The following KSR2 variants were observed in gnomAD, a reference collection of about 807,000 sequenced individuals.
KSR2 encodes kinase suppressor of ras 2.
KSR2 carries 25 observed loss-of-function variants against 107.8 expected under a neutral mutation model. The observed-to-expected ratio is 0.23, with a 90% CI of 0.17 to 0.32. The LOEUF (loss-of-function observed/expected upper bound fraction) is 0.32. KSR2 is among the 10% of genes least tolerant of loss of function. The pLI, the probability that KSR2 is intolerant of heterozygous loss-of-function variation, is 1.00. For missense variants in KSR2, 887 were observed against 1,268.9 expected (o/e 0.70, Z 4.57); for synonymous variants, 480 against 507.0 (o/e 0.95, Z 0.71).
intron 4 of KSR2, among the ~76,000 whole-genome samples, chr12:117,673,231 G>A (rs1884988585): frequency 6.6e-6 from 1 of 152,128 alleles, no homozygotes; most frequent in African/African-American, 2.4e-5. Flanking sequence ...AAGATGGATG[G>A]ATAAAAGAAT....
At chr12:117,964,497 T>A (rs979167656) in intron 1 of KSR2, among the ~76,000 whole-genome samples, 1 of 152,218 alleles carries the variant, frequency 6.6e-6, no homozygotes, top group Non-Finnish European at 1.5e-5. Context: ...CCCACAGATT[T>A]AGGGTTCTAC....
At chr12:117,871,039 C>T (rs1312787843) in intron 1 of KSR2, among the ~76,000 whole-genome samples, 1 of 152,186 alleles carries the variant, frequency 6.6e-6, no homozygotes, top group Non-Finnish European at 1.5e-5. Flanking sequence ...ATTAATGTTG[C>T]AGAAAAACTG....
Position 117,484,433 on chromosome 12 carries a change from C to G in KSR2, c.2433G>C (p.Gly811=), listed in dbSNP as rs1472907272. 1 of 1,613,950 alleles carries G rather than the reference C, an allele frequency of 6.2e-7. No individual in the cohort carries two copies. Among genetic ancestry groups the G allele is most frequent in the Admixed American group, 1.7e-5 (1 of 60,028 alleles). ...ITDFGLFSIS[G]VLQAGRREDK... ...CCTCTCACCTGCCAGCCTGCAGCAC[C>G]CCAGAAATGCTGAAGAGTCCAAAGT... The change falls in exon 16 of 20, where the codon GGG becomes GGC. Residue 811 remains glycine, a synonymous_variant. Transcript: ENST00000339824.
intron 7 of KSR2, among the ~76,000 whole-genome samples, chr12:117,569,660 C>A (rs958150502): frequency 6.6e-6 from 1 of 152,092 alleles, no homozygotes; most frequent in Non-Finnish European, 1.5e-5. Flanking sequence ...TAGGCCTGAC[C>A]GAAGGGTTTC....
chr12:117,965,783 A>T (rs1287968373), intron 1 of KSR2, among the ~76,000 whole-genome samples: 2 of 152,334 alleles, frequency 1.3e-5, no homozygotes, highest in East Asian at 3.9e-4. Flanking sequence ...GCTAAACTAG[A>T]ATCTCTAGGG....
At chr12:117,634,433 C>G (rs1310180489) in intron 5 of KSR2, among the ~76,000 whole-genome samples, 1 of 152,140 alleles carries the variant, frequency 6.6e-6, no homozygotes, top group African/African-American at 2.4e-5. Context: ...AAGTACCAAA[C>G]TTTTTGACAA....
chr12:117,702,700 C>T (rs771056255), intron 4 of KSR2, among the ~76,000 whole-genome samples: 2 of 152,120 alleles, frequency 1.3e-5, no homozygotes, highest in African/African-American at 2.4e-5. Context: ...CCATGGATCC[C>T]CTCTTCCCCC....
At chr12:117,803,083 G>A (rs1266319646) in intron 3 of KSR2, among the ~76,000 whole-genome samples, 1 of 152,152 alleles carries the variant, frequency 6.6e-6, no homozygotes, top group Non-Finnish European at 1.5e-5. Flanking sequence ...AAGCGATTCT[G>A]GGCAAAATAA....
chr12:117,766,950 C>G (rs1889251349), intron 3 of KSR2, among the ~76,000 whole-genome samples: 1 of 151,828 alleles, frequency 6.6e-6, no homozygotes, highest in African/African-American at 2.4e-5. Context: ...GTGGCACAAT[C>G]TCGGCTCACT....
chr12:117,682,537 C>T (rs955466823), intron 4 of KSR2, among the ~76,000 whole-genome samples: 4 of 152,044 alleles, frequency 2.6e-5, no homozygotes, highest in African/African-American at 4.8e-5. Context: ...CCTGCCTCAG[C>T]CTCCCAAGTA....
At chr12:117,484,154 G>T (rs1019275024) in intron 16 of KSR2, among the ~76,000 whole-genome samples, 9 of 152,192 alleles carry the variant, frequency 5.9e-5, no homozygotes, top group Non-Finnish European at 1.3e-4. Context: ...AAATTAAAGG[G>T]TAGGGGCTTT....
chr12:117,701,857 C>A (rs1886336060), intron 4 of KSR2, among the ~76,000 whole-genome samples: 1 of 152,200 alleles, frequency 6.6e-6, no homozygotes, highest in South Asian at 2.1e-4. Context: ...TCCCCTAGAG[C>A]CTTCGGAAGG....
intron 16 of KSR2, among the ~76,000 whole-genome samples, chr12:117,478,137 C>T (rs1281253374): frequency 6.6e-6 from 1 of 152,112 alleles, no homozygotes; most frequent in African/African-American, 2.4e-5. Context: ...AGGATGACAG[C>T]CTCCAGCATG....
intron 4 of KSR2, among the ~76,000 whole-genome samples, chr12:117,728,731 T>A (rs1227554430): frequency 6.6e-6 from 1 of 152,224 alleles, no homozygotes; most frequent in Non-Finnish European, 1.5e-5. Context: ...GGGCTTGGGC[T>A]GAGCTGCAGA....
chr12:117,667,375 A>G, intron 5 of KSR2, 99 bp downstream of exon 5: 1 of 1,153,618 alleles, frequency 8.7e-7, no homozygotes, highest in South Asian at 1.4e-5. Flanking sequence ...CTTGAGATAA[A>G]GAAGAGAGAG....
At chr12:117,685,277 C>A (rs1007512451) in intron 4 of KSR2, among the ~76,000 whole-genome samples, 1 of 152,288 alleles carries the variant, frequency 6.6e-6, no homozygotes, top group Middle Eastern at 3.4e-3. Context: ...TTCCCAAACC[C>A]ATAAATCGGT....
In KSR2 at chr12:117,840,097, T is replaced by TTTA. The variant is rs1202367414; in HGVS notation, c.472+15328_472+15330dup. Among the ~76,000 whole-genome samples the TTTA allele has an allele frequency of 3.2e-4, 38 of 120,374 alleles. 1 individual carries two copies. Among genetic ancestry groups the TTTA allele is most frequent in the Admixed American group, 2.0e-3 (25 of 12,456 alleles). The allele number at this position is 120,374 out of a possible 152,430, so 79.0% of individuals were successfully genotyped here. On this transcript the variant is annotated intron_variant, in intron 3 of 19. Coordinates refer to ENST00000339824, the MANE Select transcript of KSR2 (RefSeq NM_173598.6). ...CCCATTTTATTTTATTTTACTTTATTTTATTTTATTTTTTTTTTTGAGATG... is the reference window on the plus strand; with the variant it reads ...CCCATTTTATTTTATTTTACTTTATTTTATTATTTTATTTTTTTTTTTGAGATG...
At chr12:117,877,544 T>TA (rs1318651082) in intron 1 of KSR2, among the ~76,000 whole-genome samples, 1 of 152,206 alleles carries the variant, frequency 6.6e-6, no homozygotes, top group African/African-American at 2.4e-5. Context: ...AGCTAAGTCT[T>TA]ATTGAGCACT....
Position 117,534,050 on chromosome 12 carries a change from G to C in KSR2, c.1688-2343C>G, listed in dbSNP as rs1181420409. Among the ~76,000 whole-genome samples the C allele has an allele frequency of 2.0e-5, 3 of 152,086 alleles. No homozygotes were observed. The East Asian group carries it at 5.8e-4, about 29-fold the overall frequency. On this transcript the variant is annotated intron_variant, in intron 10 of 19. Coordinates refer to ENST00000339824, the MANE Select transcript of KSR2 (RefSeq NM_173598.6). ...TGAGTGGGCTGCTCAGGAGAGCAGA[G>C]TGGCTCCGGGCTTTCTGGCATCCAA...
Sources: allele counts gnomAD v4.1 joint callset (sites outside exome capture counted in the v4.1 genomes callset), GRCh38; gene constraint gnomAD v4.1.1; transcripts MANE v1.5; gene names NCBI Gene and HGNC (gene_info 2026-07-23, HGNC 2026-07-21).